The following UGT1A5 variants were observed in gnomAD, a reference collection of about 807,000 sequenced individuals.
UGT1A5 encodes UDP glucuronosyltransferase family 1 member A5.
Under a neutral mutation model 40.3 loss-of-function variants are expected in UGT1A5, and 29 were observed. The ratio of observed to expected loss-of-function variants is 0.72; its 90% CI spans 0.54 to 0.98. The LOEUF is 0.98. Ranked by LOEUF, UGT1A5 falls within the 50% of genes least tolerant of loss-of-function variation. The pLI, the probability that UGT1A5 is intolerant of heterozygous loss-of-function variation, is 0.00. For missense variants in UGT1A5, 678 were observed against 677.9 expected (o/e 1.00, Z 0.00); for synonymous variants, 257 against 262.5 (o/e 0.98, Z 0.20).
rs1029804751 is a variant in UGT1A5, at chr2:233,760,707, G to A, written c.868-6327G>A. ...ACAACAAGGAGCTCATGGCCTCCCT[G>A]GCAGAAAGCAGCTTTGATGTCATGC... On this transcript the variant is annotated intron_variant, in intron 1 of 4. Transcript: ENST00000373414. 6.8e-6 allele frequency: 11 copies of A among 1,614,064 alleles called. No individual in the cohort carries two copies. The East Asian group carries it at 8.9e-5, about 13-fold the overall frequency.
rs186890365 is a variant in UGT1A5, at chr2:233,713,915, T to C, written c.867+57T>C. ...TCCAGGCAAAACACTTTTTAAAAAA[T>C]GTATTTACTTACAAGTGCTTCCATA... On this transcript the variant is annotated intron_variant, in intron 1 of 4. Coordinates refer to ENST00000373414, the MANE Select transcript of UGT1A5 (RefSeq NM_019078.2). The C allele has an allele frequency of 2.9e-3, 4,603 of 1,612,454 alleles. 7 individuals are homozygous for C. Among genetic ancestry groups the C allele is most frequent in the Non-Finnish European group, 3.4e-3 (3,989 of 1,179,862 alleles).
chr2:233,761,696 T>G (rs1228722840), intron 1 of UGT1A5, among the ~76,000 whole-genome samples: 1 of 152,214 alleles, frequency 6.6e-6, no homozygotes, highest in East Asian at 1.9e-4. Context: ...TACAGAAAGG[T>G]TGTAGGTTTC....
At chr2:233,729,691 A>G (rs761191770) in intron 1 of UGT1A5, 3 of 1,613,862 alleles carry the variant, frequency 1.9e-6, no homozygotes, top group South Asian at 1.1e-5. Context: ...ACAGTGTCCA[A>G]ACCCTTCCTC....
chr2:233,724,396 T>C (rs2077250917), intron 1 of UGT1A5, among the ~76,000 whole-genome samples: 1 of 143,176 alleles, frequency 7.0e-6, no homozygotes, highest in African/African-American at 2.6e-5. Flanking sequence ...GCTCCTCACT[T>C]CCCAGATGGG....
At chr2:233,743,706 C>A in intron 1 of UGT1A5, 1 of 1,367,368 alleles carries the variant, frequency 7.3e-7, no homozygotes, top group Non-Finnish European at 9.8e-7. Context: ...TCCGCCCCCG[C>A]CTCGCCATAG....
At chr2:233,771,209 T>A (rs1015017621) in intron 4 of UGT1A5, 1 of 152,162 alleles carries the variant, frequency 6.6e-6, no homozygotes. Context: ...TGGACAAATA[T>A]CCAAACTGTA....
At chr2:233,717,755 A>G in intron 1 of UGT1A5, 1 of 456,600 alleles carries the variant, frequency 2.2e-6, no homozygotes, top group South Asian at 1.5e-5. Flanking sequence ...CTCCCCCTAG[A>G]AAGGCACACA....
chr2:233,726,029 G>A (rs1318137671), intron 1 of UGT1A5, among the ~76,000 whole-genome samples: 1 of 152,112 alleles, frequency 6.6e-6, no homozygotes, highest in Non-Finnish European at 1.5e-5. Flanking sequence ...ATCCAGGTGT[G>A]ATGGCGCACA....
Position 233,743,547 on chromosome 2 carries a change from C to G in UGT1A5, c.868-23487C>G, listed in dbSNP as rs201114978. ...TTCCCCAGCAGTTCCTCTGACCCCC[C>G]CAAAATATTCTCCAGCGGGTTTCCC... is the stretch of plus-strand genomic sequence containing the variant. On this transcript the variant is annotated intron_variant, in intron 1 of 4. Coordinates refer to ENST00000373414, the MANE Select transcript of UGT1A5 (RefSeq NM_019078.2). 1.6e-4 allele frequency: 221 copies of G among 1,367,292 alleles called. 1 individual carries two copies. In the East Asian group the frequency reaches 2.5e-3, roughly 15 times the overall value. The allele number at this position is 1,367,292 out of a possible 1,614,324, so 84.7% of individuals were successfully genotyped here.
Position 233,772,387 on chromosome 2 carries a change from C to A in UGT1A5, c.1433C>A (p.Ala478Glu). 1.2e-6 allele frequency: 2 copies of A among 1,614,274 alleles called. No individual in the cohort carries two copies. Among genetic ancestry groups the A allele is most frequent in the Non-Finnish European group, 1.7e-6 (2 of 1,180,048 alleles). ...AAGGGCGCGCCACACCTGCGCCCCG[C>A]AGCCCACGACCTCACCTGGTACCAG... ...RHKGAPHLRP[A>E]AHDLTWYQYH... is the part of the protein sequence containing the mutation. Residue 478 changes from alanine to glutamate, a missense_variant, in exon 5 of 5, where the codon GCA (alanine) becomes GAA (glutamate). Transcript: ENST00000373414.
Position 233,768,353 on chromosome 2 carries a change from T to C in UGT1A5, c.1221T>C (p.Thr407=). The change falls in exon 4 of 5, where the codon ACT becomes ACC. Residue 407 remains threonine, a synonymous_variant. Coordinates refer to ENST00000373414, the MANE Select transcript of UGT1A5 (RefSeq NM_019078.2). ...TGGACAATGCAAAGCGCATGGAGAC[T>C]AAGGGAGCTGGAGTGACCCTGAATG... is the stretch of plus-strand genomic sequence containing the variant. ...DQMDNAKRME[T]KGAGVTLNVL... is the part of the protein sequence containing the mutation. 6.2e-7 allele frequency: 1 copy of C among 1,614,150 alleles called. No individual in the cohort carries two copies. The highest frequency in any genetic ancestry group is 1.1e-5 in the South Asian group (1 of 91,082).
intron 1 of UGT1A5, chr2:233,729,865 G>C (rs2077938207): frequency 3.7e-6 from 6 of 1,613,698 alleles, no homozygotes; most frequent in African/African-American, 1.3e-5. Context: ...GTCAGTGGTG[G>C]ATATTCTCAG....
At chr2:233,762,623 C>A (rs1698115974) in intron 1 of UGT1A5, among the ~76,000 whole-genome samples, 1 of 152,126 alleles carries the variant, frequency 6.6e-6, no homozygotes, top group Non-Finnish European at 1.5e-5. Flanking sequence ...GTTGTGACCT[C>A]AAACACTTCC....
chr2:233,744,088 A>C, intron 1 of UGT1A5: 1 of 431,958 alleles, frequency 2.3e-6, no homozygotes, highest in South Asian at 2.0e-5. Context: ...CCCAAGATGC[A>C]GTGCTTCTGG....
intron 1 of UGT1A5, chr2:233,718,918 T>C (rs778450561): frequency 2.5e-6 from 4 of 1,614,094 alleles, no homozygotes; most frequent in Non-Finnish European, 3.4e-6. Context: ...AAGGTGTTGG[T>C]GGTGCCCACT....
At chr2:233,754,910 C>T (rs1695636907) in intron 1 of UGT1A5, 2 of 1,353,942 alleles carry the variant, frequency 1.5e-6, no homozygotes, top group African/African-American at 3.0e-5. Flanking sequence ...CCAAAATATT[C>T]TCCAGCGGGT....
At chr2:233,735,687 T>C (rs1251778606) in intron 1 of UGT1A5, among the ~76,000 whole-genome samples, 1 of 152,148 alleles carries the variant, frequency 6.6e-6, no homozygotes, top group African/African-American at 2.4e-5. Flanking sequence ...CTTTAGGAGC[T>C]CTTGTAAGGC....
chr2:233,755,331 G>T, intron 1 of UGT1A5: 2 of 462,216 alleles, frequency 4.3e-6, no homozygotes, highest in South Asian at 1.9e-5. Context: ...GCCAGCACCC[G>T]CGCACAGGTC....
rs559233241 is a variant in UGT1A5 at position 233,729,998 on chromosome 2, G to A, written c.867+16140G>A. 3 of 1,613,920 alleles carry A rather than the reference G, an allele frequency of 1.9e-6. No individual in the cohort carries two copies. In the East Asian group the frequency reaches 6.7e-5, roughly 36 times the overall value. On this transcript the variant is annotated intron_variant, in intron 1 of 4. Coordinates refer to ENST00000373414, the MANE Select transcript of UGT1A5 (RefSeq NM_019078.2). Reference sequence around the variant, plus strand: ...AACAGGAAGCCACTATCTCAGGTCTGTATTGGTGCCTTCATCCAATCAATG... The same window carrying A: ...AACAGGAAGCCACTATCTCAGGTCTATATTGGTGCCTTCATCCAATCAATG...
Sources: allele counts gnomAD v4.1 joint callset (sites outside exome capture counted in the v4.1 genomes callset), GRCh38; gene constraint gnomAD v4.1.1; transcripts MANE v1.5; gene names NCBI Gene and HGNC (gene_info 2026-07-23, HGNC 2026-07-21).